Variants in MGAM observed in about 807,000 individuals in gnomAD.
The protein encoded by MGAM is alpha-1,4-glucosidase.
MGAM carries 253 observed loss-of-function variants against 358.8 expected under a neutral mutation model. The observed-to-expected ratio is 0.71, with a 90% CI of 0.64 to 0.78. The LOEUF (loss-of-function observed/expected upper bound fraction) is 0.78, where lower values mean the gene tolerates loss of function less well. Ranked by LOEUF, MGAM falls within the 30% of genes least tolerant of loss-of-function variation. The pLI, the probability that MGAM is intolerant of heterozygous loss-of-function variation, is 0.00. For synonymous variants in MGAM, 1,105 were observed against 1,227.1 expected (o/e 0.90, Z 2.08); for missense variants, 3,080 against 3,432.6 (o/e 0.90, Z 2.57).
chr7:141,998,047 A>G (rs1804412430), intron 1 of MGAM, among the ~76,000 whole-genome samples: 1 of 152,222 alleles, frequency 6.6e-6, no homozygotes, highest in Non-Finnish European at 1.5e-5. Context: ...TGCCGGAAAG[A>G]GGACAAATAT....
Position 142,082,059 on chromosome 7 carries a change from T to G in MGAM, c.6020T>G (p.Leu2007Arg). 6.4e-7 allele frequency: 1 copy of G among 1,555,680 alleles called. No homozygotes were observed. Among genetic ancestry groups the G allele is most frequent in the Non-Finnish European group, 8.8e-7 (1 of 1,132,422 alleles). ...TGTIIWDSQLLGFTFNDMFIR... is the reference protein window; with the variant it reads ...TGTIIWDSQLRGFTFNDMFIR... ...TGTTTCAGTTGGGACTCTCAGCTCCTTGGCTTCACCTTCAATGACATGTTT... is the reference window on the plus strand; with the variant it reads ...TGTTTCAGTTGGGACTCTCAGCTCCGTGGCTTCACCTTCAATGACATGTTT... The change falls in exon 51 of 71, where the codon CTT becomes CGT. Residue 2007 changes from leucine (L) to arginine (R), a missense_variant. Leu to Arg is a moderately radical substitution (Grantham distance 102). Around this residue, in one of 5 missense-constraint regions of MGAM, gnomAD observed 932 missense variants for 1,198.2 expected, o/e 0.78. Coordinates refer to ENST00000475668, the MANE Select transcript of MGAM (RefSeq NM_001365693.1).
At chr7:142,057,289 G>A (rs1044653082) in intron 30 of MGAM, among the ~76,000 whole-genome samples, 1 of 151,686 alleles carries the variant, frequency 6.6e-6, no homozygotes, top group Non-Finnish European at 1.5e-5. Context: ...TAGTAGTGGT[G>A]TTGGTGATGG....
intron 30 of MGAM, among the ~76,000 whole-genome samples, chr7:142,057,576 A>G (rs1811685230): frequency 7.6e-6 from 1 of 132,046 alleles, no homozygotes; most frequent in Non-Finnish European, 1.6e-5. Flanking sequence ...TGGTGACGGT[A>G]GTGAAGGGTA....
At chr7:142,043,098 T>G (rs1227658581) in intron 21 of MGAM, among the ~76,000 whole-genome samples, 1 of 64,166 alleles carries the variant, frequency 1.6e-5, no homozygotes, top group East Asian at 4.5e-4. Flanking sequence ...ATATATTATA[T>G]ATACATATAA....
At chr7:142,038,674 A>G (rs1330797178) in intron 19 of MGAM, 59 bp downstream of exon 19, 7 of 1,260,146 alleles carry the variant, frequency 5.6e-6, no homozygotes, top group South Asian at 1.5e-5. Context: ...CTGCCCTGCA[A>G]ACTCCTCTCT....
intron 21 of MGAM, among the ~76,000 whole-genome samples, chr7:142,045,237 A>G (rs1275864388): frequency 3.2e-5 from 3 of 93,408 alleles, no homozygotes; most frequent in African/African-American, 1.0e-4. Context: ...TATATTATAT[A>G]TCATATAATA....
intron 21 of MGAM, among the ~76,000 whole-genome samples, chr7:142,042,671 TATA>T (rs373585459): frequency 2.9e-5 from 1 of 34,184 alleles, no homozygotes; most frequent in African/African-American, 1.1e-4. Flanking sequence ...ACATATTATA[TATA>T]ATATATAATA....
At chr7:142,103,180 T>C (rs546775904) in intron 69 of MGAM, 89 bp from the exon 70 acceptor site, 2 of 1,114,114 alleles carry the variant, frequency 1.8e-6, no homozygotes, top group African/African-American at 3.2e-5. Flanking sequence ...GTTGTCTTAC[T>C]TTATGACCTA....
At position 142,105,899 on chromosome 7, in the gene MGAM, C is replaced by T. The variant is rs995889314; in HGVS notation, c.*8C>T. On this transcript the variant is annotated 3_prime_UTR_variant, in exon 71 of 71. Coordinates refer to ENST00000475668, the MANE Select transcript of MGAM (RefSeq NM_001365693.1). ...TGGATAAGCACTCTGTGAATTTTTACAGCAAGATTCTAACTAACTATGAAT... is the reference window on the plus strand; with the variant it reads ...TGGATAAGCACTCTGTGAATTTTTATAGCAAGATTCTAACTAACTATGAAT... 5.7e-6 allele frequency: 9 copies of T among 1,587,036 alleles called. No individual in the cohort carries two copies. Among genetic ancestry groups the T allele is most frequent in the African/African-American group, 1.3e-5 (1 of 74,340 alleles).
intron 2 of MGAM, among the ~76,000 whole-genome samples, chr7:142,006,903 G>A (rs1805207711): frequency 6.6e-6 from 1 of 152,060 alleles, no homozygotes; most frequent in African/African-American, 2.4e-5. Context: ...GGATGTGGAT[G>A]GTCTGCTGCT....
At chr7:142,025,718 A>C (rs1806905543) in intron 8 of MGAM, among the ~76,000 whole-genome samples, 1 of 152,206 alleles carries the variant, frequency 6.6e-6, no homozygotes, top group African/African-American at 2.4e-5. Context: ...ACACGCACAC[A>C]TGAACCTTTT....
At chr7:142,058,465 C>A in intron 31 of MGAM, 137 bp downstream of exon 31, 2 of 1,449,066 alleles carry the variant, frequency 1.4e-6, no homozygotes, top group Non-Finnish European at 1.9e-6. Context: ...TAGCCTCACC[C>A]CAGCACAGTA....
chr7:142,093,567 C>G lies in MGAM; in HGVS notation c.7172+17C>G. Reference sequence around the variant, plus strand: ...CACATACGAGTGAGTCTCTGTCTCCCTTCTCCAGCTGTCACAACCTGTAGG... The same window carrying G: ...CACATACGAGTGAGTCTCTGTCTCCGTTCTCCAGCTGTCACAACCTGTAGG... On this transcript the variant is annotated intron_variant, in intron 60 of 70. Transcript: ENST00000475668. The G allele has an allele frequency of 6.7e-7, 1 of 1,493,756 alleles. No individual in the cohort carries two copies. The highest frequency in any genetic ancestry group is 1.4e-5 in the African/African-American group (1 of 72,896). 92.5% of individuals were successfully genotyped at this position (1,493,756 alleles called of 1,614,324 possible). A position where few individuals can be genotyped will look rare whatever the true frequency, so the allele number is the denominator to read the frequency against.
chr7:142,092,389 A>T, intron 58 of MGAM, 132 bp from the exon 59 acceptor site: 1 of 975,520 alleles, frequency 1.0e-6, no homozygotes. Flanking sequence ...CCAGGATTTG[A>T]TGAAGCTCCC....
At chr7:141,999,216 G>C (rs1554449884) in intron 1 of MGAM, among the ~76,000 whole-genome samples, 1 of 152,138 alleles carries the variant, frequency 6.6e-6, no homozygotes, top group Non-Finnish European at 1.5e-5. Flanking sequence ...CTTTCTTCCA[G>C]AGATGTAGTT....
chr7:142,038,557 A>T lies in MGAM; in HGVS notation c.2258A>T (p.Asp753Val). 1 of 1,611,358 alleles carries T rather than the reference A, an allele frequency of 6.2e-7. No individual in the cohort carries two copies. The highest frequency in any genetic ancestry group is 2.2e-5 in the East Asian group (1 of 44,684). ...TTCTACGAGGACAACAGCACTTGGG[A>T]TGTGCACCAACAGTTCTTATGGGGG... The part of the protein sequence containing the change: ...HEFYEDNSTW[D>V]VHQQFLWGPG... The change falls in exon 19 of 71, where the codon GAT (aspartate) becomes GTT (valine). Residue 753 changes from aspartate (D) to valine (V), a missense_variant. Transcript: ENST00000475668.
At chr7:142,099,383 G>A (rs1816244020) in intron 66 of MGAM, among the ~76,000 whole-genome samples, 2 of 152,214 alleles carry the variant, frequency 1.3e-5, no homozygotes, top group Admixed American at 1.3e-4. Context: ...TCAGGCAAAT[G>A]TAGTTTGTAC....
Position 142,005,578 on chromosome 7 carries a change from C to T in MGAM, c.48C>T (p.Leu16=). Residue 16 remains leucine, a synonymous_variant, in exon 2 of 71, where the codon CTC becomes CTT. Transcript: ENST00000475668. ...AATTTACTACTTTGGAGATTGTGCTCAGTGTTCTTCTGCTTGTGTTGTTTA... is the reference window on the plus strand; with the variant it reads ...AATTTACTACTTTGGAGATTGTGCTTAGTGTTCTTCTGCTTGTGTTGTTTA... ...LKKFTTLEIV[L]SVLLLVLFII... The T allele has an allele frequency of 1.3e-6, 2 of 1,581,116 alleles. No homozygotes were observed. Among genetic ancestry groups the T allele is most frequent in the Admixed American group, 3.7e-5 (2 of 53,960 alleles).
rs781906055 is a variant in MGAM at position 142,025,082 on chromosome 7, C to G, written c.915C>G (p.Phe305Leu). 6.2e-7 allele frequency: 1 copy of G among 1,613,732 alleles called. No individual in the cohort carries two copies. The highest frequency in any genetic ancestry group is 8.5e-7 in the Non-Finnish European group (1 of 1,179,708). The change falls in exon 8 of 71, where the codon TTC becomes TTG. Residue 305 changes from phenylalanine to leucine, a missense_variant. Transcript: ENST00000475668. ...NGTNLYGAQTFFLCLEDASGL... is the reference protein window; with the variant it reads ...NGTNLYGAQTLFLCLEDASGL... ...CTAATTTGTATGGTGCGCAGACATT[C>G]TTCTTGTGCCTTGAAGATGCTAGTG...
Sources: gnomAD v4.1 joint callset for allele counts (sites outside exome capture counted in the v4.1 genomes callset) on GRCh38, gnomAD v4.1.1 for gene constraint, gnomAD v4.1.1 regional missense constraint, MANE v1.5 for transcripts, NCBI Gene and HGNC (gene_info 2026-07-23, HGNC 2026-07-21) for gene names.